FHIT: variants seen among roughly 807,000 people sequenced by gnomAD.
FHIT encodes bis(5'-adenosyl)-triphosphatase.
A neutral mutation model predicts 17.9 loss-of-function variants in FHIT; 19 were observed. The ratio of observed to expected loss-of-function variants is 1.06; its 90% CI spans 0.74 to 1.56. The LOEUF is 1.56. Ranked by LOEUF, FHIT falls within the 40% of genes most tolerant of loss-of-function variation. The pLI is 0.00. For missense variants in FHIT, 248 were observed against 189.2 expected (o/e 1.31, Z -1.82); for synonymous variants, 81 against 69.7 (o/e 1.16, Z -0.81).
chr3:60,899,497 C>T (rs1705994030), intron 3 of FHIT, among the ~76,000 whole-genome samples: 2 of 152,080 alleles, frequency 1.3e-5, no homozygotes, highest in African/African-American at 4.8e-5. Flanking sequence ...ATTAATAAAC[C>T]TTTGCAGAAT....
At chr3:60,175,996 T>TTTC (rs1192528099) in intron 5 of FHIT, among the ~76,000 whole-genome samples, 2 of 152,186 alleles carry the variant, frequency 1.3e-5, no homozygotes, top group African/African-American at 4.8e-5. Context: ...GAAACGGGGC[T>TTTC]AATGTAGCTG....
At chr3:60,030,715 AATGGATGG>A (rs1463172045) in intron 5 of FHIT, among the ~76,000 whole-genome samples, 1 of 152,090 alleles carries the variant, frequency 6.6e-6, no homozygotes. Flanking sequence ...TTGGTGGGTC[AATGGATGG>A]ATGGATGGCT....
intron 2 of FHIT, among the ~76,000 whole-genome samples, chr3:61,182,062 G>A (rs1335870602): frequency 6.6e-6 from 1 of 152,178 alleles, no homozygotes; most frequent in Admixed American, 6.5e-5. Flanking sequence ...ATACTCTGAA[G>A]GGGAAATAAC....
At chr3:59,998,826 T>C (rs533506872) in intron 7 of FHIT, among the ~76,000 whole-genome samples, 5 of 152,254 alleles carry the variant, frequency 3.3e-5, no homozygotes, top group East Asian at 3.9e-4. Flanking sequence ...TTCTGACACC[T>C]AAACCTAATC....
intron 4 of FHIT, among the ~76,000 whole-genome samples, chr3:60,647,380 G>T (rs923014490): frequency 6.6e-6 from 1 of 152,154 alleles, no homozygotes; most frequent in African/African-American, 2.4e-5. Context: ...CTGCAATTCT[G>T]AAGGGCCTCA....
intron 3 of FHIT, among the ~76,000 whole-genome samples, chr3:60,842,998 T>A (rs1034690525): frequency 9.9e-5 from 15 of 152,178 alleles, no homozygotes; most frequent in African/African-American, 3.1e-4. Flanking sequence ...AGATATAATC[T>A]ATCATAGATA....
intron 3 of FHIT, among the ~76,000 whole-genome samples, chr3:60,993,956 G>A (rs1017419560): frequency 6.6e-6 from 1 of 152,176 alleles, no homozygotes; most frequent in Admixed American, 6.5e-5. Flanking sequence ...TGAAATGTGA[G>A]TAGTCTGAAA....
intron 5 of FHIT, among the ~76,000 whole-genome samples, chr3:60,183,801 G>A (rs959195349): frequency 2.0e-5 from 3 of 152,140 alleles, no homozygotes; most frequent in African/African-American, 7.2e-5. Context: ...AGATCCTGAT[G>A]ACAGTCAACA....
chr3:60,653,034 C>G (rs1360933817), intron 4 of FHIT, among the ~76,000 whole-genome samples: 1 of 152,168 alleles, frequency 6.6e-6, no homozygotes, highest in African/African-American at 2.4e-5. Flanking sequence ...TTGCTATTCA[C>G]AAGACCCACC....
At chr3:60,096,106 C>G (rs1262629402) in intron 5 of FHIT, among the ~76,000 whole-genome samples, 1 of 152,212 alleles carries the variant, frequency 6.6e-6, no homozygotes, top group African/African-American at 2.4e-5. Context: ...GGCCATGCTA[C>G]TTGCTATAGG....
intron 5 of FHIT, among the ~76,000 whole-genome samples, chr3:60,410,234 T>C (rs901159122): frequency 6.6e-6 from 1 of 152,116 alleles, no homozygotes; most frequent in East Asian, 1.9e-4. Context: ...ACTGAGAAGA[T>C]AATAGGAATA....
In FHIT at chr3:60,319,740, A is replaced by AG. The variant is rs912131572; in HGVS notation, c.103+217119dup. Among the ~76,000 whole-genome samples the AG allele has an allele frequency of 2.6e-5, 4 of 151,936 alleles. No individual in the cohort carries two copies. In the South Asian group the frequency reaches 6.2e-4, roughly 24 times the overall value. On this transcript the variant is annotated intron_variant, in intron 5 of 9. Transcript: ENST00000492590. ...ACCGTGGAAGCTTCCAGAGACACTG[A>AG]GGGGGGCTGTTTCTCCCCAGCAGTG...
chr3:60,730,521 C>A, intron 4 of FHIT: 1 of 185,504 alleles, frequency 5.4e-6, no homozygotes, highest in South Asian at 1.3e-4. Flanking sequence ...TGAGGCCCAT[C>A]TTGGTGCCTG....
chr3:60,285,757 T>G (rs1707695963), intron 5 of FHIT, among the ~76,000 whole-genome samples: 2 of 152,230 alleles, frequency 1.3e-5, no homozygotes, highest in Non-Finnish European at 2.9e-5. Flanking sequence ...AGAACTCTAT[T>G]TTTTAAATTT....
In FHIT at chr3:60,789,154, G is replaced by GTATATA. The variant is rs1409661796; in HGVS notation, c.-18+32764_-18+32765insTATATA. On this transcript the variant is annotated intron_variant, in intron 4 of 9. Coordinates refer to ENST00000492590, the MANE Select transcript of FHIT (RefSeq NM_002012.4). ...TATATAGAGAGAGATGTGTGTGTGT[G>GTATATA]TGTATATATATATATATATATAGAG... Among the ~76,000 whole-genome samples the GTATATA allele has an allele frequency of 6.2e-3, 733 of 117,446 alleles. 10 individuals carry two copies. The highest frequency in any genetic ancestry group is 0.024 in the African/African-American group (699 of 29,202). 77.0% of individuals were successfully genotyped at this position (117,446 alleles called of 152,430 possible). A position where few individuals can be genotyped will look rare whatever the true frequency, so the allele number is the denominator to read the frequency against.
intron 5 of FHIT, among the ~76,000 whole-genome samples, chr3:60,108,637 G>C (rs919598224): frequency 6.6e-5 from 10 of 151,276 alleles, no homozygotes; most frequent in Admixed American, 6.6e-5. Context: ...AGCATTTCTT[G>C]GCCTTTAATC....
intron 5 of FHIT, among the ~76,000 whole-genome samples, chr3:60,463,624 A>G (rs2032607236): frequency 6.6e-6 from 1 of 152,216 alleles, no homozygotes; most frequent in African/African-American, 2.4e-5. Flanking sequence ...GTAACATTTC[A>G]AACTGTAATA....
intron 5 of FHIT, among the ~76,000 whole-genome samples, chr3:60,245,618 G>A (rs1157332958): frequency 6.6e-6 from 1 of 152,010 alleles, no homozygotes; most frequent in Non-Finnish European, 1.5e-5. Flanking sequence ...GTGATGTTGA[G>A]GATGATATAG....
chr3:60,008,538 C>T (rs980160839), intron 7 of FHIT, among the ~76,000 whole-genome samples: 3 of 152,106 alleles, frequency 2.0e-5, no homozygotes, highest in East Asian at 1.9e-4. Context: ...CCTTCATTAA[C>T]GATAACAACA....
Sources: gnomAD v4.1 joint callset for allele counts (sites outside exome capture counted in the v4.1 genomes callset) on GRCh38, gnomAD v4.1.1 for gene constraint, MANE v1.5 for transcripts, NCBI Gene and HGNC (gene_info 2026-07-23, HGNC 2026-07-21) for gene names.